The following SGCZ variants were observed in gnomAD, a reference collection of about 807,000 sequenced individuals.
The protein encoded by SGCZ is zeta-sarcoglycan.
SGCZ carries 40 observed loss-of-function variants against 41.3 expected under a neutral mutation model. The observed-to-expected ratio is 0.97, with a 90% CI of 0.75 to 1.26. The LOEUF is 1.26. Among genes scored for constraint, SGCZ ranks in the 50% most tolerant of loss-of-function variants. The probability of loss-of-function intolerance (pLI) is 0.00; values close to 1 mark genes in which losing one functional copy is unlikely to be tolerated. For missense variants in SGCZ, 552 were observed against 369.8 expected (o/e 1.49, Z -4.04); for synonymous variants, 206 against 137.5 (o/e 1.50, Z -3.49).
intron 5 of SGCZ, among the ~76,000 whole-genome samples, chr8:14,125,131 A>G (rs1802810946): frequency 6.6e-6 from 1 of 152,188 alleles, no homozygotes; most frequent in African/African-American, 2.4e-5. Flanking sequence ...CCACTGATAA[A>G]TGAAATGAGA....
intron 1 of SGCZ, among the ~76,000 whole-genome samples, chr8:14,746,779 G>A (rs1799349813): frequency 6.6e-6 from 1 of 152,106 alleles, no homozygotes; most frequent in Non-Finnish European, 1.5e-5. Context: ...GTGTTTGTGT[G>A]TATACCAAAC....
chr8:14,191,669 A>G (rs1029697447), intron 4 of SGCZ, among the ~76,000 whole-genome samples: 3 of 152,210 alleles, frequency 2.0e-5, no homozygotes, highest in African/African-American at 7.2e-5. Context: ...GTGCATCTAG[A>G]ACTTGAGATT....
At chr8:14,906,422 G>T (rs771886481) in intron 1 of SGCZ, among the ~76,000 whole-genome samples, 1 of 152,100 alleles carries the variant, frequency 6.6e-6, no homozygotes, top group South Asian at 2.1e-4. Context: ...TGAACCAATG[G>T]CTCTTAAACC....
intron 1 of SGCZ, among the ~76,000 whole-genome samples, chr8:14,798,604 T>A (rs1425213386): frequency 6.6e-6 from 1 of 152,194 alleles, no homozygotes; most frequent in African/African-American, 2.4e-5. Context: ...CTGTACTAAC[T>A]TGATAAAGTA....
intron 1 of SGCZ, among the ~76,000 whole-genome samples, chr8:14,927,766 C>G (rs1344766438): frequency 1.3e-5 from 2 of 152,158 alleles, no homozygotes; most frequent in Non-Finnish European, 2.9e-5. Flanking sequence ...AATGCGTTGA[C>G]TCGGCATGGT....
chr8:14,639,238 G>T (rs1205947663), intron 1 of SGCZ, among the ~76,000 whole-genome samples: 1 of 151,226 alleles, frequency 6.6e-6, no homozygotes, highest in African/African-American at 2.4e-5. Flanking sequence ...GTTAGGAGAG[G>T]CAGCAATCCA....
chr8:14,190,010 CTTTCTTTTTT>C (rs1182154974), intron 4 of SGCZ, among the ~76,000 whole-genome samples: 173 of 68,494 alleles, frequency 2.5e-3, no homozygotes, highest in African/African-American at 9.5e-3. Flanking sequence ...TTCTTTCTTT[CTTTCTTTTTT>C]TTTTTTTTTT....
chr8:14,099,676 G>A (rs1801951546), intron 7 of SGCZ, among the ~76,000 whole-genome samples: 1 of 152,114 alleles, frequency 6.6e-6, no homozygotes, highest in Admixed American at 6.6e-5. Context: ...AGTGACCCAA[G>A]GTCATGCCAA....
chr8:15,061,542 A>AAAAC lies in SGCZ; in HGVS notation c.39+176042_39+176043insGTTT, dbSNP rs397963830. Among the ~76,000 whole-genome samples, 808 of 151,256 alleles carry AAAAC rather than the reference A, an allele frequency of 5.3e-3. 9 individuals carry two copies. The highest frequency in any genetic ancestry group is 0.019 in the African/African-American group (775 of 41,178). On this transcript the variant is annotated intron_variant, in intron 1 of 7. Coordinates refer to ENST00000382080, the MANE Select transcript of SGCZ (RefSeq NM_139167.4). ...AACTTACAGTATATAAAAAAAAAAAACAGGAAAAAATTAAAAATAAATAAA... is the reference window on the plus strand; with the variant it reads ...AACTTACAGTATATAAAAAAAAAAAAAAACCAGGAAAAAATTAAAAATAAATAAA...
chr8:15,128,333 C>A (rs1807779794), intron 1 of SGCZ, among the ~76,000 whole-genome samples: 2 of 152,212 alleles, frequency 1.3e-5, no homozygotes, highest in Middle Eastern at 6.3e-3. Context: ...AGATTTGGGG[C>A]CCATTTATTC....
intron 2 of SGCZ, among the ~76,000 whole-genome samples, chr8:14,339,880 G>A (rs191907603): frequency 4.6e-5 from 7 of 152,018 alleles, no homozygotes; most frequent in African/African-American, 1.7e-4. Context: ...AAAAAGAATA[G>A]AATACTATAA....
chr8:14,751,280 T>A (rs974748570), intron 1 of SGCZ, among the ~76,000 whole-genome samples: 1 of 152,160 alleles, frequency 6.6e-6, no homozygotes, highest in Non-Finnish European at 1.5e-5. Context: ...ACAAGAAAAG[T>A]TGGAATCAGT....
chr8:14,940,436 T>C (rs140554019), intron 1 of SGCZ, among the ~76,000 whole-genome samples: 300 of 152,262 alleles, frequency 2.0e-3, no homozygotes, highest in Middle Eastern at 0.01. Context: ...ACTCAAATTA[T>C]ATCAACATGC....
At chr8:14,158,992 C>G (rs915287572) in intron 5 of SGCZ, among the ~76,000 whole-genome samples, 2 of 152,158 alleles carry the variant, frequency 1.3e-5, no homozygotes, top group Non-Finnish European at 2.9e-5. Context: ...TGGTCTCAAA[C>G]TTCTGACCTC....
chr8:14,523,062 G>C (rs1802837440), intron 2 of SGCZ, among the ~76,000 whole-genome samples: 1 of 151,916 alleles, frequency 6.6e-6, no homozygotes, highest in Non-Finnish European at 1.5e-5. Context: ...TGAATGAAGT[G>C]TGGAAAACTT....
At chr8:14,732,782 G>A (rs1377922720) in intron 1 of SGCZ, among the ~76,000 whole-genome samples, 4 of 151,974 alleles carry the variant, frequency 2.6e-5, no homozygotes, top group South Asian at 2.1e-4. Flanking sequence ...TATAAACTAC[G>A]ACCCGCTTGA....
At chr8:15,203,714 G>A (rs868304796) in intron 1 of SGCZ, among the ~76,000 whole-genome samples, 12 of 152,074 alleles carry the variant, frequency 7.9e-5, no homozygotes, top group Non-Finnish European at 1.2e-4. Flanking sequence ...CCTGCCGTTC[G>A]GAAAGTCATT....
At chr8:14,144,722 A>T (rs1002546400) in intron 5 of SGCZ, among the ~76,000 whole-genome samples, 11 of 152,270 alleles carry the variant, frequency 7.2e-5, no homozygotes, top group African/African-American at 2.6e-4. Flanking sequence ...GGCACTATGG[A>T]CCTGCTGTGG....
chr8:14,451,101 T>C (rs2116926524), intron 2 of SGCZ, among the ~76,000 whole-genome samples: 1 of 152,302 alleles, frequency 6.6e-6, no homozygotes, highest in African/African-American at 2.4e-5. Flanking sequence ...TAGGAAATTA[T>C]TCATCTCACC....
Sources: gnomAD v4.1 joint callset for allele counts (sites outside exome capture counted in the v4.1 genomes callset) on GRCh38, gnomAD v4.1.1 for gene constraint, MANE v1.5 for transcripts, NCBI Gene and HGNC (gene_info 2026-07-23, HGNC 2026-07-21) for gene names.